The following PCDH9 variants were observed in gnomAD, a reference collection of about 807,000 sequenced individuals.
PCDH9 encodes protocadherin-9.
A neutral mutation model predicts 70.6 loss-of-function variants in PCDH9; 24 were observed. The ratio of observed to expected loss-of-function variants is 0.34; its 90% CI spans 0.25 to 0.48. The LOEUF is 0.48. Among genes scored for constraint, PCDH9 ranks in the 20% least tolerant of loss-of-function variants. The probability of loss-of-function intolerance (pLI) is 0.99; values close to 1 mark genes in which losing one functional copy is unlikely to be tolerated. For missense variants in PCDH9, 1,281 were observed against 1,503.6 expected (o/e 0.85, Z 2.45); for synonymous variants, 562 against 558.5 (o/e 1.01, Z -0.09).
At chr13:66,672,606 G>C (rs892952956) in intron 3 of PCDH9, among the ~76,000 whole-genome samples, 3 of 152,206 alleles carry the variant, frequency 2.0e-5, no homozygotes, top group African/African-American at 7.2e-5. Flanking sequence ...TGCACCATGT[G>C]CCTGGAAAAG....
chr13:66,314,453 C>T (rs1344418086), intron 4 of PCDH9, among the ~76,000 whole-genome samples: 2 of 152,198 alleles, frequency 1.3e-5, no homozygotes, highest in East Asian at 1.9e-4. Context: ...CTTGCCAGAT[C>T]CCTAAATGTT....
chr13:67,154,844 C>T (rs547938682), intron 2 of PCDH9, among the ~76,000 whole-genome samples: 4 of 151,532 alleles, frequency 2.6e-5, no homozygotes, highest in Middle Eastern at 6.8e-3. Context: ...GCTGGTACTA[C>T]AGGTGCGTGT....
At chr13:66,667,440 T>C (rs902746058) in intron 3 of PCDH9, among the ~76,000 whole-genome samples, 1 of 152,224 alleles carries the variant, frequency 6.6e-6, no homozygotes, top group African/African-American at 2.4e-5. Context: ...CTTATTTTTT[T>C]TCTCTCAGTG....
intron 4 of PCDH9, among the ~76,000 whole-genome samples, chr13:66,441,766 G>T (rs960055537): frequency 2.0e-5 from 3 of 151,844 alleles, no homozygotes; most frequent in Non-Finnish European, 4.4e-5. Flanking sequence ...GGAAGGAAAA[G>T]GATAATTCTT....
At position 66,794,977 on chromosome 13, in the gene PCDH9, G is replaced by GCGCACACACA. The variant is rs138730894; in HGVS notation, c.3138+108526_3138+108527insTGTGTGTGCG. On this transcript the variant is annotated intron_variant, in intron 3 of 4. Transcript: ENST00000377865. The stretch of plus-strand genomic sequence containing the variant: ...AACTAACCCAAACGGACACACACAG[G>GCGCACACACA]CACACACACACACACACACACACAC... 5.4e-3 allele frequency among the ~76,000 whole-genome samples: 791 copies of GCGCACACACA among 147,398 alleles called. 10 individuals carry two copies. Among genetic ancestry groups the GCGCACACACA allele is most frequent in the African/African-American group, 0.019 (748 of 40,020 alleles).
At chr13:66,478,486 T>C (rs575654572) in intron 4 of PCDH9, among the ~76,000 whole-genome samples, 2 of 152,326 alleles carry the variant, frequency 1.3e-5, no homozygotes, top group Admixed American at 1.3e-4. Flanking sequence ...GCCAAACAAT[T>C]AGCAAGTTAT....
At chr13:67,060,115 C>T (rs1389786112) in intron 2 of PCDH9, among the ~76,000 whole-genome samples, 3 of 151,820 alleles carry the variant, frequency 2.0e-5, no homozygotes, top group Non-Finnish European at 4.4e-5. Context: ...TTCACTATGA[C>T]GATTCACAAA....
intron 4 of PCDH9, among the ~76,000 whole-genome samples, chr13:66,551,142 GTTA>G (rs1961468612): frequency 6.6e-6 from 1 of 152,046 alleles, no homozygotes; most frequent in Admixed American, 6.6e-5. Flanking sequence ...ATTTTTTGCT[GTTA>G]TTGTTGGCTA....
At chr13:66,994,749 T>A (rs756363006) in intron 2 of PCDH9, among the ~76,000 whole-genome samples, 1 of 152,200 alleles carries the variant, frequency 6.6e-6, no homozygotes, top group Non-Finnish European at 1.5e-5. Context: ...AAGAATCACT[T>A]CCTCGGTGCT....
At chr13:66,679,484 C>A (rs1460362541) in intron 3 of PCDH9, among the ~76,000 whole-genome samples, 1 of 151,816 alleles carries the variant, frequency 6.6e-6, no homozygotes, top group Non-Finnish European at 1.5e-5. Context: ...ACCTTTTAAG[C>A]TAAAGATTAC....
intron 3 of PCDH9, among the ~76,000 whole-genome samples, chr13:66,706,079 G>C (rs895550096): frequency 6.6e-6 from 1 of 152,132 alleles, no homozygotes; most frequent in African/African-American, 2.4e-5. Flanking sequence ...ATGAGCAGTC[G>C]TTAATTATAA....
rs775994667 is a variant in PCDH9 at position 67,227,061 on chromosome 13, C to T, written c.1380G>A (p.Glu460=). The T allele has an allele frequency of 4.3e-6, 7 of 1,614,040 alleles. No individual in the cohort carries two copies. In the African/African-American group the frequency reaches 8.0e-5, roughly 18 times the overall value. ...AAATTGGTGGGTTGTCATTTTCATC[C>T]TCAAGCTTAACCCTTACCAGGGCAG... ...NQTALVRVKL[E]DENDNPPIFN... Residue 460 remains glutamate (E), a synonymous_variant, in exon 2 of 5, where the codon GAG becomes GAA. Coordinates refer to ENST00000377865, the MANE Select transcript of PCDH9 (RefSeq NM_203487.3). The surrounding 1 kb of genome is among the most constrained non-coding windows in gnomAD (Gnocchi z 4.6).
intron 3 of PCDH9, among the ~76,000 whole-genome samples, chr13:66,842,953 C>T (rs1250026449): frequency 6.6e-6 from 1 of 152,114 alleles, no homozygotes; most frequent in Non-Finnish European, 1.5e-5. Flanking sequence ...GAAAGAAGGG[C>T]TCTGTATGAC....
intron 2 of PCDH9, among the ~76,000 whole-genome samples, chr13:67,060,773 C>G (rs1317698623): frequency 6.6e-6 from 1 of 152,102 alleles, no homozygotes; most frequent in African/African-American, 2.4e-5. Context: ...AGTTCATCTA[C>G]TCCATCCTTT....
chr13:67,060,540 T>C (rs1489228845), intron 2 of PCDH9, among the ~76,000 whole-genome samples: 1 of 152,126 alleles, frequency 6.6e-6, no homozygotes, highest in Non-Finnish European at 1.5e-5. Flanking sequence ...TGTTTTCACT[T>C]TGTTTTTTTA....
At chr13:66,534,222 GA>G (rs143625599) in intron 4 of PCDH9, among the ~76,000 whole-genome samples, 19,006 of 152,064 alleles carry the variant, frequency 0.12, 1,397 homozygotes, top group Middle Eastern at 0.24. Context: ...AGAAGAATGT[GA>G]AAACTCTAGT....
intron 2 of PCDH9, among the ~76,000 whole-genome samples, chr13:66,918,191 T>C (rs1367709452): frequency 2.6e-5 from 4 of 151,114 alleles, no homozygotes; most frequent in Admixed American, 6.6e-5. Context: ...TTTTGAGTAA[T>C]GTGCAAGTAC....
intron 4 of PCDH9, among the ~76,000 whole-genome samples, chr13:66,505,666 T>C (rs573472723): frequency 2.7e-5 from 4 of 150,838 alleles, no homozygotes; most frequent in Non-Finnish European, 4.4e-5. Context: ...CTCCCCTTTA[T>C]AAAATCATCA....
intron 4 of PCDH9, among the ~76,000 whole-genome samples, chr13:66,481,237 T>C (rs1958829734): frequency 7.7e-6 from 1 of 129,870 alleles, no homozygotes; most frequent in Non-Finnish European, 1.7e-5. Context: ...AAACCACCAT[T>C]GCACGTGTTT....
Sources: gnomAD v4.1 joint callset for allele counts (sites outside exome capture counted in the v4.1 genomes callset) on GRCh38, gnomAD v4.1.1 for gene constraint, Gnocchi (gnomAD v3.1) non-coding constraint, MANE v1.5 for transcripts, NCBI Gene and HGNC (gene_info 2026-07-23, HGNC 2026-07-21) for gene names.